The following MCTP2 variants were observed in gnomAD, a reference collection of about 807,000 sequenced individuals.
The protein encoded by MCTP2 is multiple C2 and transmembrane domain-containing protein 2.
MCTP2 carries 132 observed loss-of-function variants against 111.6 expected under a neutral mutation model. That is an observed-to-expected ratio of 1.18 (90% CI 1.03 to 1.37). MCTP2 has a LOEUF of 1.37. Ranked by LOEUF, MCTP2 falls within the 40% of genes most tolerant of loss-of-function variation. The pLI is 0.00. For missense variants in MCTP2, 1,183 were observed against 1,067.9 expected, an observed-to-expected ratio of 1.11 and a Z score of -1.50; for synonymous variants, 395 against 387.7, an observed-to-expected ratio of 1.02 and a Z score of -0.22.
intron 8 of MCTP2, 146 bp from the exon 9 acceptor site, chr15:94,355,991 C>T: frequency 7.6e-7 from 1 of 1,321,356 alleles, no homozygotes; most frequent in Non-Finnish European, 9.7e-7. Context: ...AGCAGGTTTG[C>T]AAAACCAATG....
At chr15:94,478,917 C>G in intron 22 of MCTP2, 49 bp from the exon 23 acceptor site, 1 of 1,557,632 alleles carries the variant, frequency 6.4e-7, no homozygotes, top group Non-Finnish European at 8.8e-7. Context: ...CACACTGTGG[C>G]GAGCTAGGGT....
intron 1 of MCTP2, among the ~76,000 whole-genome samples, chr15:94,244,162 ACGTGTATACACATACG>A (rs1167943648): frequency 5.4e-5 from 8 of 147,588 alleles, no homozygotes; most frequent in African/African-American, 1.2e-4. Context: ...GTTTATATAC[ACGTGTATACACATACG>A]TATGTGTATA....
At position 94,243,433 on chromosome 15, in the gene MCTP2, GTACA is replaced by G. The variant is rs548988434; in HGVS notation, c.-66+11777_-66+11780del. 6.2e-5 allele frequency among the ~76,000 whole-genome samples: 9 copies of G among 145,788 alleles called. 1 individual carries two copies. The highest frequency in any genetic ancestry group is 2.1e-4 in the South Asian group (1 of 4,708). ...TACATACGTATGCGTATATGCGTAT[GTACA>G]TACATACGTATGCGTACATGCGTAT... On this transcript the variant is annotated intron_variant, in intron 1 of 22. Transcript: ENST00000357742.
intron 17 of MCTP2, among the ~76,000 whole-genome samples, chr15:94,403,936 GA>G (rs34486269): frequency 6.6e-6 from 1 of 152,040 alleles, no homozygotes; most frequent in South Asian, 2.1e-4. Context: ...GGACACCATT[GA>G]AAAAAATGCA....
chr15:94,244,734 G>T (rs2071618743), intron 1 of MCTP2, among the ~76,000 whole-genome samples: 1 of 147,090 alleles, frequency 6.8e-6, no homozygotes, highest in African/African-American at 2.5e-5. Flanking sequence ...ATTCGTATAT[G>T]TATACACATA....
In MCTP2 at chr15:94,402,593, G is replaced by T. The variant is rs1441683179; in HGVS notation, c.2085+574G>T. The T allele has an allele frequency of 4.5e-6, 7 of 1,551,270 alleles. No homozygotes were observed. The South Asian group carries it at 7.1e-5, about 16-fold the overall frequency. ...ATCGCAGAATCAAAGCGCTGCAAGA[G>T]ATCTTAAAACCACCTAAGTCTACCA... On this transcript the variant is annotated intron_variant, in intron 17 of 22. Coordinates refer to ENST00000357742, the MANE Select transcript of MCTP2 (RefSeq NM_001385001.1).
At chr15:94,402,287 T>C (rs1251566491) in intron 17 of MCTP2, 1 of 981,148 alleles carries the variant, frequency 1.0e-6, no homozygotes, top group African/African-American at 1.8e-5. Context: ...CTGCATTGTG[T>C]GTATTTTTTT....
At chr15:94,366,490 G>A (rs776379292) in intron 10 of MCTP2, among the ~76,000 whole-genome samples, 1 of 152,240 alleles carries the variant, frequency 6.6e-6, no homozygotes, top group Non-Finnish European at 1.5e-5. Context: ...TCTTAAAGTG[G>A]AAGTTTTCAT....
chr15:94,456,404 TG>T (rs2084839372), intron 19 of MCTP2, among the ~76,000 whole-genome samples: 1 of 152,230 alleles, frequency 6.6e-6, no homozygotes, highest in Non-Finnish European at 1.5e-5. Flanking sequence ...TCCAAGAAAT[TG>T]TTTTGACCTA....
chr15:94,246,266 A>G (rs961183416), intron 1 of MCTP2, among the ~76,000 whole-genome samples: 3 of 152,204 alleles, frequency 2.0e-5, no homozygotes, highest in Admixed American at 6.5e-5. Context: ...AGCTGAGCCA[A>G]TGGTCCTGAA....
intron 8 of MCTP2, among the ~76,000 whole-genome samples, chr15:94,350,439 A>G (rs1386266440): frequency 6.6e-6 from 1 of 152,158 alleles, no homozygotes; most frequent in Non-Finnish European, 1.5e-5. Flanking sequence ...AATACAAAAA[A>G]TACTCCTGTA....
At position 94,340,741 on chromosome 15, in the gene MCTP2, G is replaced by T. The variant is rs569502228; in HGVS notation, c.858-72G>T. 21 of 859,242 alleles carry T rather than the reference G, an allele frequency of 2.4e-5. No individual in the cohort carries two copies. The East Asian group carries it at 4.9e-4, about 20-fold the overall frequency. 53.2% of individuals were successfully genotyped at this position (859,242 alleles called of 1,614,324 possible). On this transcript the variant is annotated intron_variant, in intron 6 of 22. Coordinates refer to ENST00000357742, the MANE Select transcript of MCTP2 (RefSeq NM_001385001.1). ...CAGAGGTAGGAGACTTTTACCATAA[G>T]CTCCTGATGCGTGTAGGTCAATACA...
At chr15:94,439,897 A>G (rs907485371) in intron 17 of MCTP2, among the ~76,000 whole-genome samples, 1 of 152,162 alleles carries the variant, frequency 6.6e-6, no homozygotes, top group South Asian at 2.1e-4. Context: ...GACTTTTTCC[A>G]TACTACTTTC....
chr15:94,333,864 C>T (rs17712653), intron 4 of MCTP2, among the ~76,000 whole-genome samples: 27,545 of 152,122 alleles, frequency 0.18, 2,978 homozygotes, highest in East Asian at 0.31. Flanking sequence ...TCTAGGACAG[C>T]TCAGATTATT....
intron 1 of MCTP2, among the ~76,000 whole-genome samples, chr15:94,237,684 G>A (rs1286123203): frequency 6.6e-6 from 1 of 152,148 alleles, no homozygotes; most frequent in Non-Finnish European, 1.5e-5. Context: ...GGGGTCACAT[G>A]TGCATCTGTA....
chr15:94,423,043 T>C (rs558430162), intron 17 of MCTP2, among the ~76,000 whole-genome samples: 1 of 152,322 alleles, frequency 6.6e-6, no homozygotes, highest in South Asian at 2.1e-4. Context: ...GCATTGAGCC[T>C]AACGCAAAGT....
At chr15:94,252,984 G>C (rs2072540299) in intron 1 of MCTP2, among the ~76,000 whole-genome samples, 1 of 152,014 alleles carries the variant, frequency 6.6e-6, no homozygotes, top group African/African-American at 2.4e-5. Context: ...CCTGGCTTCT[G>C]TGTCCCCGAG....
chr15:94,388,307 ATGC>A (rs1222363645), intron 14 of MCTP2, among the ~76,000 whole-genome samples: 2 of 152,132 alleles, frequency 1.3e-5, no homozygotes, highest in Non-Finnish European at 2.9e-5. Flanking sequence ...ACTCAGTAAG[ATGC>A]TTCGGCTGCT....
intron 4 of MCTP2, among the ~76,000 whole-genome samples, chr15:94,337,277 C>T (rs564964166): frequency 8.5e-5 from 13 of 152,136 alleles, no homozygotes; most frequent in Middle Eastern, 3.4e-3. Context: ...TTTTCTTTCA[C>T]GCAACTGCCG....
Sources: allele counts gnomAD v4.1 joint callset (sites outside exome capture counted in the v4.1 genomes callset), GRCh38; gene constraint gnomAD v4.1.1; transcripts MANE v1.5; gene names NCBI Gene and HGNC (gene_info 2026-07-23, HGNC 2026-07-21).